FOXP1: variants seen among roughly 807,000 people sequenced by gnomAD.
FOXP1 encodes the protein forkhead box P1, also known as forkhead box protein P1.
Under a neutral mutation model 98.2 loss-of-function variants are expected in FOXP1, and 15 were observed. The observed-to-expected ratio is 0.15, with a 90% CI of 0.10 to 0.24. The LOEUF is 0.24. Among genes scored for constraint, FOXP1 ranks in the 10% least tolerant of loss-of-function variants. The probability of loss-of-function intolerance (pLI) is 1.00; values close to 1 mark genes in which losing one functional copy is unlikely to be tolerated. For synonymous variants in FOXP1, 371 were observed against 314.5 expected (o/e 1.18, Z -1.90); for missense variants, 633 against 848.5 (o/e 0.75, Z 3.15).
intron 3 of FOXP1, among the ~76,000 whole-genome samples, chr3:71,483,978 G>A (rs1313815746): frequency 2.0e-5 from 3 of 152,076 alleles, no homozygotes; most frequent in Non-Finnish European, 4.4e-5. Flanking sequence ...CCACCTATTG[G>A]CCTCATTATC....
intron 7 of FOXP1, among the ~76,000 whole-genome samples, chr3:71,109,427 G>T (rs34765276): frequency 0.05 from 7,395 of 147,534 alleles, 237 homozygotes; most frequent in East Asian, 0.16. Context: ...GGATTTGGGG[G>T]TTTTTTTTTT....
intron 5 of FOXP1, among the ~76,000 whole-genome samples, chr3:71,207,246 T>TGA (rs369774954): frequency 3.0e-5 from 4 of 135,400 alleles, no homozygotes. Flanking sequence ...TTCAGAAAAG[T>TGA]CTTTTTTTTT....
At chr3:71,250,729 G>C (rs796099216) in intron 5 of FOXP1, among the ~76,000 whole-genome samples, 2 of 152,124 alleles carry the variant, frequency 1.3e-5, no homozygotes, top group African/African-American at 4.8e-5. Context: ...TCAGGAGTTC[G>C]AGACCAGCCT....
intron 7 of FOXP1, among the ~76,000 whole-genome samples, chr3:71,070,626 C>G (rs557011694): frequency 6.6e-6 from 1 of 152,188 alleles, no homozygotes; most frequent in Non-Finnish European, 1.5e-5. Flanking sequence ...AGGGCACTCT[C>G]GGGCCCTCTC....
In FOXP1 at chr3:71,198,409, CAAGATGGGGGGAGGGAGGGGGGG is replaced by C; in HGVS notation, c.-11-40_-11-18del. 1 of 1,398,204 alleles carries C rather than the reference CAAGATGGGGGGAGGGAGGGGGGG, an allele frequency of 7.2e-7. No homozygotes were observed. Among genetic ancestry groups the C allele is most frequent in the Non-Finnish European group, 9.7e-7 (1 of 1,031,452 alleles). 86.6% of individuals were successfully genotyped at this position (1,398,204 alleles called of 1,614,324 possible). A position where few individuals can be genotyped will look rare whatever the true frequency, so the allele number is the denominator to read the frequency against. On this transcript the variant is annotated intron_variant, in intron 5 of 20. Coordinates refer to ENST00000649528, the MANE Select transcript of FOXP1 (RefSeq NM_001349338.3). ...CTCAAAAACCTGATACAAGGATTTCCAAGATGGGGGGAGGGAGGGGGGGAGAAAAAAAAAGCAGCTGTTAAAGC... is the reference window on the plus strand; with the variant it reads ...CTCAAAAACCTGATACAAGGATTTCCAGAAAAAAAAAGCAGCTGTTAAAGC...
chr3:70,988,481 T>C (rs2040112953), intron 13 of FOXP1, among the ~76,000 whole-genome samples: 1 of 152,222 alleles, frequency 6.6e-6, no homozygotes, highest in South Asian at 2.1e-4. Context: ...GATGGATACA[T>C]TTATGCAAAA....
chr3:71,081,284 C>G (rs2054385215), intron 7 of FOXP1, among the ~76,000 whole-genome samples: 1 of 152,148 alleles, frequency 6.6e-6, no homozygotes, highest in African/African-American at 2.4e-5. Flanking sequence ...CTGTACTCAG[C>G]TCAGTAATTA....
chr3:71,391,622 G>GT (rs2081040171), intron 3 of FOXP1, among the ~76,000 whole-genome samples: 1 of 152,228 alleles, frequency 6.6e-6, no homozygotes, highest in Non-Finnish European at 1.5e-5. Flanking sequence ...CAAGGTTCAA[G>GT]TTAACTGCGG....
chr3:71,319,489 T>G (rs958570440), intron 4 of FOXP1, among the ~76,000 whole-genome samples: 1 of 152,184 alleles, frequency 6.6e-6, no homozygotes, highest in Non-Finnish European at 1.5e-5. Context: ...AAAGAAAGAT[T>G]CTGGTGTGAC....
chr3:71,543,041 T>C (rs2045005454), intron 2 of FOXP1, among the ~76,000 whole-genome samples: 2 of 152,132 alleles, frequency 1.3e-5, no homozygotes, highest in African/African-American at 2.4e-5. Context: ...CATTAACAGA[T>C]TTACATATGC....
intron 3 of FOXP1, among the ~76,000 whole-genome samples, chr3:71,395,505 C>A (rs562107015): frequency 6.6e-6 from 1 of 151,858 alleles, no homozygotes; most frequent in South Asian, 2.1e-4. Context: ...CAAAAGTCAC[C>A]TCCTCTGAGA....
chr3:71,004,337 G>A (rs965316973), intron 12 of FOXP1, among the ~76,000 whole-genome samples: 1 of 152,060 alleles, frequency 6.6e-6, no homozygotes, highest in African/African-American at 2.4e-5. Context: ...ATTTAATCAC[G>A]ATGATGATGA....
chr3:71,550,575 G>A (rs2045701766), intron 2 of FOXP1, among the ~76,000 whole-genome samples: 1 of 152,166 alleles, frequency 6.6e-6, no homozygotes, highest in African/African-American at 2.4e-5. Context: ...GGAAGCATGT[G>A]CTGAAAGTGA....
intron 3 of FOXP1, among the ~76,000 whole-genome samples, chr3:71,414,451 A>G (rs947804468): frequency 6.6e-6 from 1 of 152,216 alleles, no homozygotes; most frequent in Non-Finnish European, 1.5e-5. Context: ...GGCACCATCC[A>G]CACCCACACA....
At chr3:71,477,238 C>T (rs2089927021) in intron 3 of FOXP1, among the ~76,000 whole-genome samples, 1 of 152,146 alleles carries the variant, frequency 6.6e-6, no homozygotes, top group Non-Finnish European at 1.5e-5. Flanking sequence ...TAGAAAAGTT[C>T]AAGGTGCTGG....
intron 2 of FOXP1, among the ~76,000 whole-genome samples, chr3:71,499,346 T>C (rs948633457): frequency 1.3e-5 from 2 of 152,160 alleles, no homozygotes; most frequent in Admixed American, 1.3e-4. Context: ...TCAAATTCAA[T>C]GTGTTGCCCA....
intron 2 of FOXP1, among the ~76,000 whole-genome samples, chr3:71,557,368 T>C (rs974276835): frequency 1.3e-5 from 2 of 150,754 alleles, no homozygotes; most frequent in African/African-American, 4.9e-5. Flanking sequence ...AAAAAAATCC[T>C]GCTTATTTAA....
chr3:71,059,576 T>C (rs2051185222), intron 7 of FOXP1, among the ~76,000 whole-genome samples: 2 of 152,190 alleles, frequency 1.3e-5, no homozygotes, highest in Admixed American at 6.5e-5. Context: ...TAAGCACTGA[T>C]TCTTTCAACC....
At chr3:71,308,929 T>G (rs1166241822) in intron 4 of FOXP1, among the ~76,000 whole-genome samples, 1 of 152,060 alleles carries the variant, frequency 6.6e-6, no homozygotes, top group Admixed American at 6.6e-5. Context: ...AAAATAGAAT[T>G]TCCTTTTAGT....
Sources: allele counts gnomAD v4.1 joint callset (sites outside exome capture counted in the v4.1 genomes callset), GRCh38; gene constraint gnomAD v4.1.1; transcripts MANE v1.5; gene names NCBI Gene and HGNC (gene_info 2026-07-23, HGNC 2026-07-21).